The following PARD3B variants were observed in gnomAD, a reference collection of about 807,000 sequenced individuals.
PARD3B encodes the protein par-3 family cell polarity regulator beta.
A neutral mutation model predicts 130.2 loss-of-function variants in PARD3B; 103 were observed. The ratio of observed to expected loss-of-function variants is 0.79; its 90% CI spans 0.67 to 0.93. PARD3B has a LOEUF of 0.93. Ranked by LOEUF, PARD3B falls within the 40% of genes least tolerant of loss-of-function variation. The pLI is 0.00. For missense variants in PARD3B, 1,609 were observed against 1,499.2 expected (o/e 1.07, Z -1.21); for synonymous variants, 583 against 553.2 (o/e 1.05, Z -0.76).
intron 4 of PARD3B, among the ~76,000 whole-genome samples, chr2:205,079,601 A>AAGATTCTAAGAGATTTTCTG (rs1354531752): frequency 6.6e-6 from 1 of 152,220 alleles, no homozygotes; most frequent in Admixed American, 6.5e-5. Flanking sequence ...ACACTTCTTA[A>AAGATTCTAAGAGATTTTCTG]TACTGTTGCA....
At chr2:204,826,211 T>C (rs1214851912) in intron 2 of PARD3B, among the ~76,000 whole-genome samples, 1 of 152,228 alleles carries the variant, frequency 6.6e-6, no homozygotes, top group African/African-American at 2.4e-5. Context: ...CTTATCATAC[T>C]TGATTAGGTC....
intron 21 of PARD3B, among the ~76,000 whole-genome samples, chr2:205,552,527 G>A (rs1383214203): frequency 6.6e-6 from 1 of 152,210 alleles, no homozygotes; most frequent in East Asian, 1.9e-4. Context: ...TCCTGCCTCA[G>A]CCTCCTGAGT....
chr2:205,313,694 C>T (rs2042468428), intron 18 of PARD3B, among the ~76,000 whole-genome samples: 1 of 152,116 alleles, frequency 6.6e-6, no homozygotes, highest in African/African-American at 2.4e-5. Context: ...TTACAAAGAA[C>T]ACTGAAGAAG....
chr2:204,848,221 A>T (rs1394811564), intron 2 of PARD3B, among the ~76,000 whole-genome samples: 4 of 152,182 alleles, frequency 2.6e-5, no homozygotes, highest in African/African-American at 9.7e-5. Context: ...AGGATTCAGT[A>T]CTATCTGCAG....
chr2:204,596,877 C>T (rs1265922341), intron 1 of PARD3B, among the ~76,000 whole-genome samples: 1 of 151,864 alleles, frequency 6.6e-6, no homozygotes, highest in Non-Finnish European at 1.5e-5. Flanking sequence ...GAGATGGCAC[C>T]ATTGCACTCC....
At chr2:204,998,512 A>ATATGTATATATATGTGTATATATT in intron 3 of PARD3B, among the ~76,000 whole-genome samples, 1 of 50,004 alleles carries the variant, frequency 2.0e-5, no homozygotes, top group Non-Finnish European at 4.4e-5. Context: ...GTGTATATAT[A>ATATGTATATATATGTGTATATATT]TATGTGTGTG....
chr2:204,971,601 TTTCC>T (rs1313583140), intron 3 of PARD3B, among the ~76,000 whole-genome samples: 1 of 151,950 alleles, frequency 6.6e-6, no homozygotes, highest in East Asian at 2.0e-4. Context: ...TTTTTTTTCC[TTTCC>T]TTCCCTGGGA....
chr2:205,517,947 G>C (rs1333523812), intron 21 of PARD3B, among the ~76,000 whole-genome samples: 1 of 152,052 alleles, frequency 6.6e-6, no homozygotes, highest in African/African-American at 2.4e-5. Context: ...GTCTGAGAGT[G>C]TGTTTGTTAT....
chr2:205,614,823 G>T (rs10932121), intron 22 of PARD3B, among the ~76,000 whole-genome samples: 59,993 of 151,896 alleles, frequency 0.39, 14,353 homozygotes, highest in East Asian at 0.74. Flanking sequence ...AGATGTAACA[G>T]CAGCCAACCA....
intron 1 of PARD3B, among the ~76,000 whole-genome samples, chr2:204,558,415 C>A (rs9752333): frequency 0.023 from 3,545 of 152,140 alleles, 139 homozygotes; most frequent in African/African-American, 0.08. Flanking sequence ...GACAAACAGC[C>A]AAATCATGAG....
Position 205,467,346 on chromosome 2 carries a change from C to T in PARD3B, c.3044+26674C>T, listed in dbSNP as rs186663719. Among the ~76,000 whole-genome samples the T allele has an allele frequency of 3.5e-4, 53 of 152,222 alleles. No individual in the cohort carries two copies. In the East Asian group the frequency reaches 8.5e-3, roughly 24 times the overall value. On this transcript the variant is annotated intron_variant, in intron 20 of 22. Coordinates refer to ENST00000406610, the MANE Select transcript of PARD3B (RefSeq NM_001302769.2). ...ATGTTCTCAATGGGACTTTCTTCTC[C>T]ATGTAGGAAACATTCAAAATCTAGA...
chr2:205,570,149 C>T (rs1422059760), intron 22 of PARD3B, among the ~76,000 whole-genome samples: 3 of 152,166 alleles, frequency 2.0e-5, no homozygotes, highest in Admixed American at 6.5e-5. Flanking sequence ...AATCTGGGAT[C>T]TGTGCATATC....
At chr2:204,996,688 C>T (rs1055808160) in intron 3 of PARD3B, among the ~76,000 whole-genome samples, 18 of 149,702 alleles carry the variant, frequency 1.2e-4, no homozygotes, top group South Asian at 8.8e-4. Flanking sequence ...GCCTCGTTGC[C>T]GCCTTGCAGT....
In PARD3B at chr2:205,563,209, A is replaced by C. The variant is rs113255052; in HGVS notation, c.3260+9806A>C. 3.9e-5 allele frequency among the ~76,000 whole-genome samples: 6 copies of C among 152,304 alleles called. 1 individual carries two copies. The highest frequency in any genetic ancestry group is 1.4e-4 in the African/African-American group (6 of 41,568). ...TTTCAAAGATGTCATGTTTATTCCT[A>C]AACTAGTTGATTGTATTTAAATAGA... On this transcript the variant is annotated intron_variant, in intron 22 of 22. Coordinates refer to ENST00000406610, the MANE Select transcript of PARD3B (RefSeq NM_001302769.2). This position sits in a 1 kb window ranked among gnomAD's most constrained non-coding sequence, Gnocchi z 4.2.
chr2:205,559,846 G>A lies in PARD3B; in HGVS notation c.3260+6443G>A, dbSNP rs950392995. Among the ~76,000 whole-genome samples, 28 of 152,114 alleles carry A rather than the reference G, an allele frequency of 1.8e-4. 1 individual carries two copies. Among genetic ancestry groups the A allele is most frequent in the African/African-American group, 5.3e-4 (22 of 41,490 alleles). ...ACTTCTGACCTCAAGTGATCCACCC[G>A]TCTTGGCCTCCCAAAGTGCTAGGAT... On this transcript the variant is annotated intron_variant, in intron 22 of 22. Transcript: ENST00000406610.
At chr2:205,088,760 T>C (rs866637398) in intron 4 of PARD3B, among the ~76,000 whole-genome samples, 11 of 151,736 alleles carry the variant, frequency 7.2e-5, no homozygotes, top group Admixed American at 1.3e-4. Flanking sequence ...CTGCCAATCA[T>C]AATGCAAAGT....
At chr2:204,802,179 A>G (rs1320337058) in intron 2 of PARD3B, among the ~76,000 whole-genome samples, 1 of 152,220 alleles carries the variant, frequency 6.6e-6, no homozygotes, top group East Asian at 1.9e-4. Context: ...AAGTGGGCAA[A>G]GGATATGAAC....
intron 20 of PARD3B, among the ~76,000 whole-genome samples, chr2:205,492,313 C>T (rs1014681761): frequency 6.6e-6 from 1 of 152,028 alleles, no homozygotes. Flanking sequence ...TATTATTCAC[C>T]CTTTCCCTAA....
chr2:205,511,197 G>T (rs762557639), intron 21 of PARD3B, among the ~76,000 whole-genome samples: 1 of 152,272 alleles, frequency 6.6e-6, no homozygotes, highest in South Asian at 2.1e-4. Context: ...AAAGTGTGGT[G>T]TTGTTTTATC....
Sources: gnomAD v4.1 joint callset for allele counts (sites outside exome capture counted in the v4.1 genomes callset) on GRCh38, gnomAD v4.1.1 for gene constraint, Gnocchi (gnomAD v3.1) non-coding constraint, MANE v1.5 for transcripts, NCBI Gene and HGNC (gene_info 2026-07-23, HGNC 2026-07-21) for gene names.